Variants in WRAP53 observed in about 807,000 individuals in gnomAD.
The protein encoded by WRAP53 is WD repeat containing antisense to TP53.
WRAP53 carries 28 observed loss-of-function variants against 56.6 expected under a neutral mutation model. The observed-to-expected ratio is 0.50, with a 90% CI of 0.37 to 0.68. The LOEUF is 0.68. WRAP53 is among the 30% of genes least tolerant of loss of function. WRAP53 has a pLI of 0.00. For synonymous variants in WRAP53, 283 were observed against 283.4 expected (o/e 1.00, Z 0.01); for missense variants, 671 against 715.5 (o/e 0.94, Z 0.71).
chr17:7,699,476 TTATA>T (rs1299417199), intron 4 of WRAP53, among the ~76,000 whole-genome samples: 30 of 11,398 alleles, frequency 2.6e-3, no homozygotes, highest in South Asian at 3.4e-3. Context: ...ATATATATAT[TTATA>T]TATATATATA....
At chr17:7,688,378 C>T, upstream of WRAP53, 1 of 530,314 alleles carries the variant, frequency 1.9e-6, no homozygotes. Flanking sequence ...CGTGGGTCGC[C>T]CGCGAAATCT....
chr17:7,691,332 G>A (rs1334449251), intron 4 of WRAP53, among the ~76,000 whole-genome samples: 21 of 151,946 alleles, frequency 1.4e-4, no homozygotes, highest in African/African-American at 2.4e-5. Context: ...GAGCAGCCAC[G>A]TCGTGTTGGT....
At chr17:7,689,509 A>C (rs1453284108) in intron 3 of WRAP53, 81 bp from the exon 4 acceptor site, 7 of 1,411,352 alleles carry the variant, frequency 5.0e-6, no homozygotes, top group Non-Finnish European at 7.0e-6. Context: ...GGGCTTACCT[A>C]CCCCAGAGGC....
At chr17:7,700,862 C>G in intron 5 of WRAP53, 33 bp downstream of exon 5, 1 of 1,524,724 alleles carries the variant, frequency 6.6e-7, no homozygotes, top group Non-Finnish European at 9.1e-7. Context: ...CTCGCCGCCC[C>G]ACCACCCAGT....
Position 7,689,057 on chromosome 17 carries a change from G to A in WRAP53, c.409G>A (p.Ala137Thr), listed in dbSNP as rs763211473. The A allele has an allele frequency of 6.2e-7, 1 of 1,614,156 alleles. No homozygotes were observed. Among genetic ancestry groups the A allele is most frequent in the Admixed American group, 1.7e-5 (1 of 60,010 alleles). Residue 137 changes from alanine to threonine, a missense_variant, in exon 2 of 11, where the codon GCT becomes ACT. Physicochemically the swap from Ala to Thr is moderately conservative, Grantham distance 58 (BLOSUM62 0). Coordinates refer to ENST00000396463, the MANE Select transcript of WRAP53 (RefSeq NM_001143992.2). The part of the protein sequence containing the change: ...KAMEDTSGEP[A>T]AEDEGDTAWN... The stretch of plus-strand genomic sequence containing the variant: ...CATGGAAGATACCTCTGGGGAACCC[G>A]CTGCAGAGGACGAGGGAGACACGTA...
chr17:7,686,303 C>A (rs1469171281), upstream of WRAP53: 1 of 148,178 alleles, frequency 6.7e-6, no homozygotes, highest in Non-Finnish European at 1.5e-5. Context: ...CGTACCCATT[C>A]TTTTTTTTTT....
rs1055897133 is a variant in WRAP53 at position 7,701,726 on chromosome 17, C to T, written c.892C>T (p.Arg298Trp). The change falls in exon 7 of 11, where the codon CGG becomes TGG. Residue 298 changes from arginine to tryptophan, a missense_variant. Arg to Trp is a moderately radical substitution (Grantham distance 101). Transcript: ENST00000396463. This position sits in a 1 kb window ranked among gnomAD's most constrained non-coding sequence, Gnocchi z 4.2. ...CTCCCAGCTCTTCTGTGGCTTCAAC[C>T]GGACTGTGCGTGTTTTTTCCACGGC... ...DGSQLFCGFN[R>W]TVRVFSTARP... The T allele has an allele frequency of 5.0e-6, 8 of 1,614,124 alleles. No individual in the cohort carries two copies. The highest frequency in any genetic ancestry group is 6.8e-6 in the Non-Finnish European group (8 of 1,180,058).
At chr17:7,689,519 C>T (rs1228606814) in intron 3 of WRAP53, 71 bp from the exon 4 acceptor site, 3 of 1,469,370 alleles carry the variant, frequency 2.0e-6, no homozygotes, top group East Asian at 2.3e-5. Context: ...ACCCCAGAGG[C>T]AGGCTCAGCC....
intron 4 of WRAP53, among the ~76,000 whole-genome samples, chr17:7,699,458 TTATATATATATATATATTTATATATATA>T (rs1443296838): frequency 5.0e-5 from 2 of 39,876 alleles, no homozygotes; most frequent in African/African-American, 1.9e-4. Flanking sequence ...ATATATATAT[TTATATATATATATATATTTATATATATA>T]TATATATATA....
rs1267680892 is a variant in WRAP53, at chr17:7,701,258, C to G, written c.732-201C>G. Among the ~76,000 whole-genome samples, 2 of 151,896 alleles carry G rather than the reference C, an allele frequency of 1.3e-5. No homozygotes were observed. The highest frequency in any genetic ancestry group is 6.6e-5 in the Admixed American group (1 of 15,254). The stretch of plus-strand genomic sequence containing the variant: ...TGCTTGGATTACAGGCATGAGCCAC[C>G]ACACCCAGCCTCATTTTTGTATTTT... On this transcript the variant is annotated intron_variant, in intron 5 of 10. Transcript: ENST00000396463. This position sits in a 1 kb window ranked among gnomAD's most constrained non-coding sequence, Gnocchi z 4.2.
intron 3 of WRAP53, 112 bp downstream of exon 3, chr17:7,689,434 CT>C: frequency 7.7e-7 from 1 of 1,293,992 alleles, no homozygotes. Flanking sequence ...GCACGTAGCC[CT>C]TTTAGACTGA....
At chr17:7,690,709 C>T (rs1345141067) in intron 4 of WRAP53, among the ~76,000 whole-genome samples, 1 of 151,790 alleles carries the variant, frequency 6.6e-6, no homozygotes, top group East Asian at 1.9e-4. Flanking sequence ...GCCAGGAGTT[C>T]GAGACCAGCC....
chr17:7,700,491 A>AC (rs1337028616), intron 4 of WRAP53, among the ~76,000 whole-genome samples: 2 of 151,838 alleles, frequency 1.3e-5, no homozygotes, highest in African/African-American at 2.4e-5. Context: ...CTATTAAAAA[A>AC]AAAAACAAAA....
chr17:7,698,186 G>A (rs1001107178), intron 4 of WRAP53, among the ~76,000 whole-genome samples: 3 of 152,124 alleles, frequency 2.0e-5, no homozygotes, highest in Non-Finnish European at 4.4e-5. Context: ...AGTGCATAGC[G>A]TAGAGACCAG....
rs765683390 is a variant in WRAP53, at chr17:7,702,855, C to T, written c.1268+9C>T. On this transcript the variant is annotated intron_variant, in intron 9 of 10. Transcript: ENST00000396463. This position sits in a 1 kb window ranked among gnomAD's most constrained non-coding sequence, Gnocchi z 5.0. ...TACTTCGATCTGGACCCGTGAGTGG[C>T]TGTGACTCCTTCCTACACAGGGCCC... 2 of 1,613,760 alleles carry T rather than the reference C, an allele frequency of 1.2e-6. No individual in the cohort carries two copies. Among genetic ancestry groups the T allele is most frequent in the Non-Finnish European group, 8.5e-7 (1 of 1,179,946 alleles).
chr17:7,701,731 T>C lies in WRAP53; in HGVS notation c.897T>C (p.Thr299=), dbSNP rs1457632397. 6.2e-7 allele frequency: 1 copy of C among 1,614,124 alleles called. No homozygotes were observed. Among genetic ancestry groups the C allele is most frequent in the Non-Finnish European group, 8.5e-7 (1 of 1,180,056 alleles). The change falls in exon 7 of 11, where the codon ACT becomes ACC. Residue 299 remains threonine (T), a synonymous_variant. Transcript: ENST00000396463. This position sits in a 1 kb window ranked among gnomAD's most constrained non-coding sequence, Gnocchi z 4.2. The part of the protein sequence containing the change: ...GSQLFCGFNR[T]VRVFSTARPG... ...AGCTCTTCTGTGGCTTCAACCGGAC[T>C]GTGCGTGTTTTTTCCACGGCCCGGC...
rs370050251 is a variant in WRAP53, at chr17:7,703,084, G to A, written c.1360G>A (p.Val454Met). The A allele has an allele frequency of 1.4e-5, 23 of 1,614,002 alleles. No individual in the cohort carries two copies. Among genetic ancestry groups the A allele is most frequent in the East Asian group, 4.5e-5 (2 of 44,888 alleles). Residue 454 changes from valine (V) to methionine (M), a missense_variant, in exon 10 of 11, where the codon GTG becomes ATG. Physicochemically the swap from Val to Met is conservative, Grantham distance 21. Transcript: ENST00000396463. ...GPGNDGKPEPVLSFLPQKDCT... is the reference protein window; with the variant it reads ...GPGNDGKPEPMLSFLPQKDCT... ...TGGCAATGATGGGAAGCCGGAGCCC[G>A]TGTTGAGTTTTCTGCCCCAGAAGGA...
chr17:7,699,492 A>ATT (rs1567577468), intron 4 of WRAP53, among the ~76,000 whole-genome samples: 1 of 13,610 alleles, frequency 7.3e-5, no homozygotes, highest in Non-Finnish European at 1.2e-4. Context: ...ATATATATAT[A>ATT]TATATATATT....
chr17:7,696,290 ATT>A (rs35901058), intron 4 of WRAP53, among the ~76,000 whole-genome samples: 2 of 79,922 alleles, frequency 2.5e-5, no homozygotes, highest in African/African-American at 5.4e-5. Context: ...GGACTCAGAG[ATT>A]TTTTTTTTTT....
Sources: allele counts gnomAD v4.1 joint callset (sites outside exome capture counted in the v4.1 genomes callset), GRCh38; gene constraint gnomAD v4.1.1; non-coding constraint Gnocchi (gnomAD v3.1); transcripts MANE v1.5; gene names NCBI Gene and HGNC (gene_info 2026-07-23, HGNC 2026-07-21).